UGT1A10: variants seen among roughly 807,000 people sequenced by gnomAD.
The protein encoded by UGT1A10 is UDP glucuronosyltransferase family 1 member A10, also known as UDP-glucuronosyltransferase 1A10.
In UGT1A10, 49 loss-of-function variants were observed where a neutral mutation model predicts 45.8. The observed-to-expected ratio is 1.07, with a 90% confidence interval of 0.85 to 1.36. UGT1A10 has a LOEUF of 1.36. Ranked by LOEUF, UGT1A10 falls within the 40% of genes most tolerant of loss-of-function variation. The pLI is 0.00. For missense variants in UGT1A10, 745 were observed against 668.6 expected (o/e 1.11, Z -1.26); for synonymous variants, 284 against 249.7 (o/e 1.14, Z -1.29).
chr2:233,704,333 TTTAAAAAG>T (rs2075781731), intron 1 of UGT1A10, among the ~76,000 whole-genome samples: 1 of 150,642 alleles, frequency 6.6e-6, no homozygotes, highest in Non-Finnish European at 1.5e-5. Flanking sequence ...CTTTCCACTA[TTTAAAAAG>T]TTGTGTTCTG....
chr2:233,693,703 A>T, intron 1 of UGT1A10: 2 of 1,614,248 alleles, frequency 1.2e-6, no homozygotes, highest in East Asian at 4.5e-5. Context: ...AAGAACTCGC[A>T]TCAGCTGTCC....
chr2:233,729,564 T>C (rs537662273), intron 1 of UGT1A10: 126 of 1,614,046 alleles, frequency 7.8e-5, no homozygotes, highest in Non-Finnish European at 1.0e-4. Context: ...CTACTTCCTT[T>C]GATGTGGTTT....
In UGT1A10 at chr2:233,769,728, G is replaced by A. The variant is rs1027354407; in HGVS notation, c.1295+1289G>A. The stretch of plus-strand genomic sequence containing the variant: ...ATGTTGGCTAGGCACCATGGCACAC[G>A]CCTGTAGTCCCAGCCACTCTGGAGG... On this transcript the variant is annotated intron_variant, in intron 4 of 4. Coordinates refer to ENST00000344644, the MANE Select transcript of UGT1A10 (RefSeq NM_019075.4). This position sits in a 1 kb window ranked among gnomAD's most constrained non-coding sequence, Gnocchi z 4.4. The A allele has an allele frequency of 4.6e-5, 67 of 1,472,430 alleles. No homozygotes were observed. The highest frequency in any genetic ancestry group is 5.8e-5 in the Non-Finnish European group (64 of 1,110,636). 91.2% of individuals were successfully genotyped at this position (1,472,430 alleles called of 1,614,324 possible). A position where few individuals can be genotyped will look rare whatever the true frequency, so the allele number is the denominator to read the frequency against.
chr2:233,636,842 C>A lies in UGT1A10; in HGVS notation c.320C>A (p.Ser107Tyr). 6.2e-7 allele frequency: 1 copy of A among 1,614,206 alleles called. No individual in the cohort carries two copies. The highest frequency in any genetic ancestry group is 8.5e-7 in the Non-Finnish European group (1 of 1,180,040). The change falls in exon 1 of 5, where the codon TCT (serine) becomes TAT (tyrosine). Residue 107 changes from serine to tyrosine, a missense_variant. By Grantham distance (144) the Ser-to-Tyr change is moderately radical. Transcript: ENST00000344644. ...QWKAQAQSIFSLLMSSSSGFL... is the reference protein window; with the variant it reads ...QWKAQAQSIFYLLMSSSSGFL... The stretch of plus-strand genomic sequence containing the variant: ...AAAGCACAGGCACAAAGTATATTTT[C>A]TCTATTAATGAGTTCATCCAGTGGT...
chr2:233,655,658 G>A (rs1264641661), intron 1 of UGT1A10, among the ~76,000 whole-genome samples: 1 of 152,152 alleles, frequency 6.6e-6, no homozygotes, highest in Non-Finnish European at 1.5e-5. Context: ...GGATATGGGG[G>A]TGGGTGATCA....
At chr2:233,689,504 G>T (rs1172827184) in intron 1 of UGT1A10, among the ~76,000 whole-genome samples, 1 of 152,202 alleles carries the variant, frequency 6.6e-6, no homozygotes, top group Non-Finnish European at 1.5e-5. Context: ...ATACGCAGAG[G>T]TTACACATTG....
intron 1 of UGT1A10, among the ~76,000 whole-genome samples, chr2:233,653,928 A>G (rs1009079): frequency 2.6e-5 from 4 of 152,234 alleles, no homozygotes; most frequent in Non-Finnish European, 5.9e-5. Context: ...ATGCAGATGT[A>G]CAAAAGGGAC....
intron 1 of UGT1A10, among the ~76,000 whole-genome samples, chr2:233,725,586 A>G (rs1194596370): frequency 6.6e-6 from 1 of 152,166 alleles, no homozygotes; most frequent in East Asian, 1.9e-4. Context: ...TTATGACTTA[A>G]CTATTTGACA....
chr2:233,728,351 G>C (rs1396406554), intron 1 of UGT1A10, among the ~76,000 whole-genome samples: 1 of 152,180 alleles, frequency 6.6e-6, no homozygotes, highest in Non-Finnish European at 1.5e-5. Context: ...TGGTGAGCAG[G>C]AGCTCCCTGA....
chr2:233,748,214 G>A, intron 1 of UGT1A10: 1 of 1,480,602 alleles, frequency 6.8e-7, no homozygotes, highest in Non-Finnish European at 9.1e-7. Flanking sequence ...AGCCTTCAGT[G>A]AGATAAACTG....
At chr2:233,693,541 G>T (rs1471757220) in intron 1 of UGT1A10, 7 of 1,614,056 alleles carry the variant, frequency 4.3e-6, no homozygotes, top group Non-Finnish European at 5.1e-6. Context: ...GTTCCCTGGA[G>T]CATACATTCA....
At chr2:233,748,739 G>A (rs572551381) in intron 1 of UGT1A10, among the ~76,000 whole-genome samples, 1 of 151,736 alleles carries the variant, frequency 6.6e-6, no homozygotes, top group Admixed American at 6.5e-5. Flanking sequence ...ACATCTCAGA[G>A]TTCGGAAGGC....
At chr2:233,671,805 T>G (rs2074199733) in intron 1 of UGT1A10, 1 of 1,374,934 alleles carries the variant, frequency 7.3e-7, no homozygotes. Context: ...TGTCAGTGAC[T>G]GATTTTTTTT....
chr2:233,647,119 A>C (rs1346539001), intron 1 of UGT1A10, among the ~76,000 whole-genome samples: 1 of 152,154 alleles, frequency 6.6e-6, no homozygotes, highest in Non-Finnish European at 1.5e-5. Context: ...AAACCACCAG[A>C]TCTCGTGAGA....
chr2:233,639,886 C>T (rs2073404712), intron 1 of UGT1A10, among the ~76,000 whole-genome samples: 1 of 152,154 alleles, frequency 6.6e-6, no homozygotes, highest in Admixed American at 6.5e-5. Flanking sequence ...AATAATTCAG[C>T]AGAACATTGA....
intron 1 of UGT1A10, among the ~76,000 whole-genome samples, chr2:233,655,436 C>T (rs975297040): frequency 6.6e-5 from 10 of 152,180 alleles, no homozygotes; most frequent in African/African-American, 2.4e-4. Context: ...CTGGCCACAT[C>T]ATTAGCAGAT....
chr2:233,709,565 T>G (rs2076082358), intron 1 of UGT1A10, among the ~76,000 whole-genome samples: 1 of 152,156 alleles, frequency 6.6e-6, no homozygotes, highest in Non-Finnish European at 1.5e-5. Flanking sequence ...AAATTTAAAC[T>G]TAAAATTCAA....
rs987232905 is a variant in UGT1A10, at chr2:233,703,559, T to G, written c.856-63475T>G. Among the ~76,000 whole-genome samples the G allele has an allele frequency of 2.0e-5, 3 of 152,228 alleles. No individual in the cohort carries two copies. In the East Asian group the frequency reaches 5.8e-4, roughly 29 times the overall value. ...ATTTCCCACTTTATTGCTAGTAATA[T>G]TTTTTGTTTTAAGGTCTATATTATC... On this transcript the variant is annotated intron_variant, in intron 1 of 4. Transcript: ENST00000344644.
rs1394358402 is a variant in UGT1A10 at position 233,747,887 on chromosome 2, T to C, written c.856-19147T>C. The C allele has an allele frequency of 1.2e-5, 19 of 1,613,492 alleles. No homozygotes were observed. The South Asian group carries it at 2.0e-4, about 17-fold the overall frequency. ...CTCTGGCCCTGTCCTACCTTTGCCA[T>C]GCTCTTTCTGCTCCTTATGCAAGCC... On this transcript the variant is annotated intron_variant, in intron 1 of 4. Transcript: ENST00000344644.
Sources: allele counts gnomAD v4.1 joint callset (sites outside exome capture counted in the v4.1 genomes callset), GRCh38; gene constraint gnomAD v4.1.1; non-coding constraint Gnocchi (gnomAD v3.1); transcripts MANE v1.5; gene names NCBI Gene and HGNC (gene_info 2026-07-23, HGNC 2026-07-21).